Variants in MYCT1 observed in about 807,000 individuals in gnomAD.
MYCT1 encodes the protein myc target protein 1.
A neutral mutation model predicts 15.0 loss-of-function variants in MYCT1; 12 were observed. The observed-to-expected ratio is 0.80, with a 90% CI of 0.51 to 1.29. MYCT1 has a LOEUF of 1.29. MYCT1 is among the 50% of genes most tolerant of loss of function. MYCT1 has a pLI of 0.00. For synonymous variants in MYCT1, 104 were observed against 102.7 expected, an observed-to-expected ratio of 1.01 and a Z score of -0.07; for missense variants, 287 against 279.1, an observed-to-expected ratio of 1.03 and a Z score of -0.20.
At chr6:152,706,540 T>G (rs570262238) in intron 1 of MYCT1, among the ~76,000 whole-genome samples, 1 of 152,112 alleles carries the variant, frequency 6.6e-6, no homozygotes, top group Non-Finnish European at 1.5e-5. Context: ...GTGTACAAAG[T>G]AGACAAATAT....
At chr6:152,716,116 C>T (rs924010205) in intron 1 of MYCT1, among the ~76,000 whole-genome samples, 3 of 152,118 alleles carry the variant, frequency 2.0e-5, no homozygotes. Context: ...GGGAATGTGG[C>T]CACTTGGATC....
chr6:152,702,842 A>G lies in MYCT1; in HGVS notation c.196+4744A>G, dbSNP rs564659740. Among the ~76,000 whole-genome samples, 9 of 152,346 alleles carry G rather than the reference A, an allele frequency of 5.9e-5. No homozygotes were observed. In the South Asian group the frequency reaches 1.9e-3, roughly 32 times the overall value. ...CAGTTACCTAGAAAGTTTGAAAAACAAACATTTACAAATGCTTGTCTTCAA... is the reference window on the plus strand; with the variant it reads ...CAGTTACCTAGAAAGTTTGAAAAACGAACATTTACAAATGCTTGTCTTCAA... On this transcript the variant is annotated intron_variant, in intron 1 of 1. Coordinates refer to ENST00000367245, the MANE Select transcript of MYCT1 (RefSeq NM_025107.3).
chr6:152,714,096 C>T (rs1379456273), intron 1 of MYCT1, among the ~76,000 whole-genome samples: 1 of 151,874 alleles, frequency 6.6e-6, no homozygotes, highest in Non-Finnish European at 1.5e-5. Flanking sequence ...GTTTTTATTG[C>T]CTGTATCTGT....
At chr6:152,735,790 T>C in the MYCT1 span, among the ~76,000 whole-genome samples, 3 of 152,168 alleles carry the variant, frequency 2.0e-5, no homozygotes, top group African/African-American at 7.2e-5. Flanking sequence ...TTTAATTAAT[T>C]GCTGACTTTG....
chr6:152,703,940 T>A (rs920165877), intron 1 of MYCT1, among the ~76,000 whole-genome samples: 2 of 123,082 alleles, frequency 1.6e-5, no homozygotes, highest in African/African-American at 3.2e-5. Flanking sequence ...TTTTCCCTGT[T>A]TTTTATTTTA....
intron 1 of MYCT1, among the ~76,000 whole-genome samples, chr6:152,714,274 G>T (rs1266484641): frequency 2.1e-5 from 3 of 143,828 alleles, no homozygotes; most frequent in African/African-American, 5.1e-5. Flanking sequence ...TTCATATCTG[G>T]CTTTGATAAT....
chr6:152,698,034 T>C lies in MYCT1; in HGVS notation c.132T>C (p.Phe44=). 6.2e-7 allele frequency: 1 copy of C among 1,610,628 alleles called. No individual in the cohort carries two copies. Among genetic ancestry groups the C allele is most frequent in the Non-Finnish European group, 8.5e-7 (1 of 1,178,842 alleles). The change falls in exon 1 of 2, where the codon TTT becomes TTC. Residue 44 remains phenylalanine (F), a synonymous_variant. Transcript: ENST00000367245. ...FLSVFLLFLL[F]LVDIMANNTT... ...CTGTTTTTCTTCTCTTTCTTCTATT[T>C]CTTGTGGATATTATGGCTAATAACA... is the stretch of plus-strand genomic sequence containing the variant.
At chr6:152,740,152 T>C in the MYCT1 span, among the ~76,000 whole-genome samples, 1 of 152,300 alleles carries the variant, frequency 6.6e-6, no homozygotes, top group South Asian at 2.1e-4. Flanking sequence ...GTTCAAGCGA[T>C]TCTCCTGCCT....
At chr6:152,716,046 G>A (rs1178257618) in intron 1 of MYCT1, among the ~76,000 whole-genome samples, 1 of 152,156 alleles carries the variant, frequency 6.6e-6, no homozygotes, top group Non-Finnish European at 1.5e-5. Flanking sequence ...GCACATTGTT[G>A]GGGTGTGAGG....
chr6:152,725,852 A>G (rs1182825904), downstream of MYCT1, among the ~76,000 whole-genome samples: 1 of 152,188 alleles, frequency 6.6e-6, no homozygotes, highest in Non-Finnish European at 1.5e-5. Context: ...GGACTGGATC[A>G]GAGCATTCCG....
intron 1 of MYCT1, among the ~76,000 whole-genome samples, chr6:152,704,840 A>C (rs181816100): frequency 1.3e-5 from 2 of 152,286 alleles, no homozygotes; most frequent in East Asian, 3.9e-4. Flanking sequence ...CCATCACCTG[A>C]GGTAGTTAGC....
At chr6:152,734,534 G>A in the MYCT1 span, among the ~76,000 whole-genome samples, 1 of 152,162 alleles carries the variant, frequency 6.6e-6, no homozygotes, top group African/African-American at 2.4e-5. Flanking sequence ...GAAATAAGAG[G>A]TGGGAGCTGC....
chr6:152,701,006 G>T (rs2099721217), intron 1 of MYCT1, among the ~76,000 whole-genome samples: 1 of 152,026 alleles, frequency 6.6e-6, no homozygotes, highest in Admixed American at 6.6e-5. Context: ...TATAGTTGTG[G>T]AATAATACAA....
At chr6:152,699,367 G>A (rs1320912246) in intron 1 of MYCT1, among the ~76,000 whole-genome samples, 1 of 152,108 alleles carries the variant, frequency 6.6e-6, no homozygotes, top group African/African-American at 2.4e-5. Flanking sequence ...TTTGCTGGAA[G>A]ACTGAAAAGG....
At chr6:152,701,514 T>A (rs542947486) in intron 1 of MYCT1, among the ~76,000 whole-genome samples, 13 of 152,330 alleles carry the variant, frequency 8.5e-5, no homozygotes, top group African/African-American at 2.9e-4. Flanking sequence ...TCCAGTGATT[T>A]ATAATCTCTC....
intron 1 of MYCT1, among the ~76,000 whole-genome samples, chr6:152,700,874 G>A (rs1163460451): frequency 6.6e-6 from 1 of 152,136 alleles, no homozygotes; most frequent in African/African-American, 2.4e-5. Context: ...GTGGTTGCAG[G>A]AGTTTGCATT....
downstream of MYCT1, among the ~76,000 whole-genome samples, chr6:152,726,212 C>G (rs1050663660): frequency 2.0e-5 from 3 of 152,020 alleles, no homozygotes; most frequent in Admixed American, 2.0e-4. Context: ...GCCTGACCAA[C>G]ATGGAGAAAC....
At chr6:152,701,470 A>G (rs1183309278) in intron 1 of MYCT1, among the ~76,000 whole-genome samples, 1 of 152,232 alleles carries the variant, frequency 6.6e-6, no homozygotes, top group Non-Finnish European at 1.5e-5. Context: ...TGTCAGCGTG[A>G]AAGTTTGATC....
the MYCT1 span, among the ~76,000 whole-genome samples, chr6:152,746,921 T>A: frequency 2.0e-5 from 3 of 152,216 alleles, no homozygotes; most frequent in Non-Finnish European, 4.4e-5. Context: ...TTGTCCTCGA[T>A]CATATCATTT....
Sources: allele counts gnomAD v4.1 joint callset (sites outside exome capture counted in the v4.1 genomes callset), GRCh38; gene constraint gnomAD v4.1.1; transcripts MANE v1.5; gene names NCBI Gene and HGNC (gene_info 2026-07-23, HGNC 2026-07-21).